Variants in MBOAT2 observed in about 807,000 individuals in gnomAD.
MBOAT2 encodes the protein membrane bound glycerophospholipid O-acyltransferase 2.
A neutral mutation model predicts 63.4 loss-of-function variants in MBOAT2; 28 were observed. The observed-to-expected ratio is 0.44, with a 90% CI of 0.33 to 0.61. The LOEUF (loss-of-function observed/expected upper bound fraction) is 0.61. Among genes scored for constraint, MBOAT2 ranks in the 20% least tolerant of loss-of-function variants. The pLI, the probability that MBOAT2 is intolerant of heterozygous loss-of-function variation, is 0.03. For missense variants in MBOAT2, 470 were observed against 605.8 expected (o/e 0.78, Z 2.35); for synonymous variants, 211 against 215.6 (o/e 0.98, Z 0.19).
chr2:8,950,582 C>T (rs992980888), intron 2 of MBOAT2, among the ~76,000 whole-genome samples: 11 of 152,300 alleles, frequency 7.2e-5, no homozygotes, highest in African/African-American at 2.6e-4. Flanking sequence ...CGCCTGCCAC[C>T]ATGCCTGGCT....
chr2:8,887,032 T>A (rs1421035717), intron 5 of MBOAT2, among the ~76,000 whole-genome samples: 1 of 152,226 alleles, frequency 6.6e-6, no homozygotes, highest in Admixed American at 6.5e-5. Context: ...TGAATCATAC[T>A]GTTAATTGAC....
At chr2:8,906,112 C>T (rs911142542) in intron 4 of MBOAT2, among the ~76,000 whole-genome samples, 4 of 152,128 alleles carry the variant, frequency 2.6e-5, no homozygotes, top group Non-Finnish European at 5.9e-5. Flanking sequence ...GTATGCGCCA[C>T]CATGCCTATT....
chr2:8,968,536 T>C (rs1411137854), intron 1 of MBOAT2, among the ~76,000 whole-genome samples: 1 of 151,556 alleles, frequency 6.6e-6, no homozygotes, highest in Non-Finnish European at 1.5e-5. Flanking sequence ...GGAGAATGAC[T>C]TTGACGAGTT....
At chr2:8,956,304 C>CTA (rs769912643) in intron 2 of MBOAT2, among the ~76,000 whole-genome samples, 2 of 152,182 alleles carry the variant, frequency 1.3e-5, no homozygotes, top group Non-Finnish European at 2.9e-5. Context: ...AAAGAGTTAT[C>CTA]TTACACATGG....
chr2:8,950,864 TA>T (rs1364021843), intron 2 of MBOAT2, among the ~76,000 whole-genome samples: 1 of 152,248 alleles, frequency 6.6e-6, no homozygotes, highest in Non-Finnish European at 1.5e-5. Context: ...TGTTGGATTT[TA>T]TTGAAAGCTT....
At chr2:9,002,646 T>A (rs1672783135) in intron 1 of MBOAT2, among the ~76,000 whole-genome samples, 1 of 137,980 alleles carries the variant, frequency 7.2e-6, no homozygotes, top group African/African-American at 2.7e-5. Flanking sequence ...ACAACTTCCC[T>A]AAATCTCACT....
Position 8,907,163 on chromosome 2 carries a change from T to C in MBOAT2, c.395+1458A>G, listed in dbSNP as rs549847478. On this transcript the variant is annotated intron_variant, in intron 4 of 12. Coordinates refer to ENST00000305997, the MANE Select transcript of MBOAT2 (RefSeq NM_138799.4). The stretch of plus-strand genomic sequence containing the variant: ...AATGCTTATTTCTCACTTATTATAA[T>C]TCAAGTATTCAAAGCTCTTAATTTC... 7.9e-5 allele frequency among the ~76,000 whole-genome samples: 12 copies of C among 152,376 alleles called. No individual in the cohort carries two copies. In the South Asian group the frequency reaches 2.3e-3, roughly 29 times the overall value.
At chr2:8,945,165 T>C (rs1293708903) in intron 2 of MBOAT2, among the ~76,000 whole-genome samples, 1 of 152,200 alleles carries the variant, frequency 6.6e-6, no homozygotes, top group Non-Finnish European at 1.5e-5. Flanking sequence ...TGGAGAGCAG[T>C]ATAATACTTG....
chr2:8,895,030 G>A (rs1664333253), intron 4 of MBOAT2, among the ~76,000 whole-genome samples: 1 of 152,246 alleles, frequency 6.6e-6, no homozygotes, highest in Admixed American at 6.5e-5. Context: ...TAAAGCTGCA[G>A]ACCTTCATGG....
chr2:8,929,991 C>A (rs1305807261), intron 3 of MBOAT2, among the ~76,000 whole-genome samples: 1 of 152,190 alleles, frequency 6.6e-6, no homozygotes, highest in Non-Finnish European at 1.5e-5. Flanking sequence ...TCTCTCCCTT[C>A]CCCTCCCCTG....
Position 8,858,839 on chromosome 2 carries a change from GTT to G in MBOAT2, c.1401_1402del (p.Lys467AsnfsTer9). The G allele has an allele frequency of 6.2e-7, 1 of 1,613,660 alleles. No individual in the cohort carries two copies. Among genetic ancestry groups the G allele is most frequent in the Non-Finnish European group, 8.5e-7 (1 of 1,179,952 alleles). On this transcript the variant is annotated frameshift_variant, in exon 13 of 13. Transcript: ENST00000305997. LOFTEE classifies it low-confidence loss of function (END_TRUNC). ...TTCATGTGTATTCTTTCTTCTTTGA[GTT>G]TTTTTCACTGGCAACAACAATAATA...
chr2:8,975,922 TTA>T (rs1670784319), intron 1 of MBOAT2, among the ~76,000 whole-genome samples: 1 of 152,010 alleles, frequency 6.6e-6, no homozygotes, highest in Non-Finnish European at 1.5e-5. Context: ...ATCTCCTGAA[TTA>T]TATGGCCACT....
intron 3 of MBOAT2, among the ~76,000 whole-genome samples, chr2:8,910,793 C>G (rs1409834085): frequency 2.0e-5 from 3 of 152,104 alleles, no homozygotes; most frequent in Non-Finnish European, 4.4e-5. Context: ...TTCTAATGGG[C>G]TTGTAAAATA....
At chr2:8,873,430 G>T in intron 7 of MBOAT2, 130 bp from the exon 8 acceptor site, 2 of 913,562 alleles carry the variant, frequency 2.2e-6, no homozygotes, top group Non-Finnish European at 3.2e-6. Context: ...AAATTCAAGA[G>T]CTACATTGCA....
intron 3 of MBOAT2, among the ~76,000 whole-genome samples, chr2:8,915,768 A>G (rs1023443074): frequency 6.6e-6 from 1 of 152,214 alleles, no homozygotes; most frequent in African/African-American, 2.4e-5. Flanking sequence ...AGAAGAATAT[A>G]CATGCAAATA....
chr2:8,994,773 T>G (rs988390592), intron 1 of MBOAT2, among the ~76,000 whole-genome samples: 2 of 152,174 alleles, frequency 1.3e-5, no homozygotes. Context: ...GGGCAAATCT[T>G]AAAACGCTTC....
intron 9 of MBOAT2, among the ~76,000 whole-genome samples, chr2:8,866,873 C>T (rs909991987): frequency 1.3e-5 from 2 of 152,198 alleles, no homozygotes; most frequent in African/African-American, 4.8e-5. Flanking sequence ...TATCTCAGCA[C>T]ACTTCAGTGA....
At chr2:8,999,675 T>C (rs1185933851) in intron 1 of MBOAT2, among the ~76,000 whole-genome samples, 3 of 152,186 alleles carry the variant, frequency 2.0e-5, no homozygotes, top group Non-Finnish European at 4.4e-5. Flanking sequence ...TCTCAGTCCA[T>C]TTCCCTCCTC....
intron 1 of MBOAT2, among the ~76,000 whole-genome samples, chr2:8,965,619 A>T (rs1357602939): frequency 6.6e-6 from 1 of 152,162 alleles, no homozygotes; most frequent in Non-Finnish European, 1.5e-5. Flanking sequence ...CTTTATATGT[A>T]TATTTTCTCC....
Sources: gnomAD v4.1 joint callset for allele counts (sites outside exome capture counted in the v4.1 genomes callset) on GRCh38, gnomAD v4.1.1 for gene constraint, MANE v1.5 for transcripts, NCBI Gene and HGNC (gene_info 2026-07-23, HGNC 2026-07-21) for gene names.